LRP1B: variants seen among roughly 807,000 people sequenced by gnomAD.
LRP1B encodes LDL receptor related protein 1B, also known as low-density lipoprotein receptor-related protein 1B.
Under a neutral mutation model 556.6 loss-of-function variants are expected in LRP1B, and 217 were observed. The ratio of observed to expected loss-of-function variants is 0.39; its 90% confidence interval spans 0.35 to 0.44. LRP1B has a LOEUF of 0.44. Among genes scored for constraint, LRP1B ranks in the 20% least tolerant of loss-of-function variants. The pLI is 1.00. For missense variants in LRP1B, 5,053 were observed against 5,620.8 expected (o/e 0.90, Z 3.23); for synonymous variants, 2,047 against 1,865.8 (o/e 1.10, Z -2.50).
At chr2:141,182,073 G>T (rs1681024201) in intron 7 of LRP1B, among the ~76,000 whole-genome samples, 1 of 151,890 alleles carries the variant, frequency 6.6e-6, no homozygotes, top group Non-Finnish European at 1.5e-5. Flanking sequence ...CTTTCTTGGG[G>T]CTCTTAGTAA....
intron 7 of LRP1B, among the ~76,000 whole-genome samples, chr2:141,072,574 CACTT>C (rs770133854): frequency 3.3e-5 from 5 of 151,976 alleles, no homozygotes; most frequent in Non-Finnish European, 7.4e-5. Context: ...CTCACTCTTC[CACTT>C]GACTGTCTGT....
chr2:141,062,418 A>G, intron 7 of LRP1B, 145 bp from the exon 8 acceptor site: 1 of 600,626 alleles, frequency 1.7e-6, no homozygotes. Context: ...TCCTTATAAT[A>G]TCACTCATAA....
chr2:140,896,032 C>T (rs964033658), intron 23 of LRP1B, among the ~76,000 whole-genome samples: 2 of 152,072 alleles, frequency 1.3e-5, no homozygotes, highest in Non-Finnish European at 2.9e-5. Flanking sequence ...GCCACGGGTC[C>T]AAGCTTGAGG....
At chr2:141,409,288 C>T (rs1283255563) in intron 3 of LRP1B, among the ~76,000 whole-genome samples, 1 of 152,084 alleles carries the variant, frequency 6.6e-6, no homozygotes, top group Non-Finnish European at 1.5e-5. Flanking sequence ...TTCATACAAG[C>T]TTATTTGGGT....
At chr2:141,806,210 CAAG>C (rs1447804267) in intron 2 of LRP1B, among the ~76,000 whole-genome samples, 1 of 152,058 alleles carries the variant, frequency 6.6e-6, no homozygotes, top group Non-Finnish European at 1.5e-5. Flanking sequence ...AAGTGCCTTT[CAAG>C]AAGACGTTCC....
chr2:141,801,500 T>C (rs973195435), intron 2 of LRP1B, among the ~76,000 whole-genome samples: 1 of 152,134 alleles, frequency 6.6e-6, no homozygotes, highest in East Asian at 1.9e-4. Flanking sequence ...TAGCCGTTAT[T>C]TGCACTTCCA....
chr2:140,340,370 C>G (rs1006348435), intron 77 of LRP1B, among the ~76,000 whole-genome samples: 1 of 151,382 alleles, frequency 6.6e-6, no homozygotes, highest in African/African-American at 2.4e-5. Context: ...GAAATATTAT[C>G]CATTCTGGGT....
At chr2:141,791,347 T>C (rs921648657) in intron 2 of LRP1B, among the ~76,000 whole-genome samples, 1 of 152,008 alleles carries the variant, frequency 6.6e-6, no homozygotes, top group African/African-American at 2.4e-5. Context: ...TCCAACTTTT[T>C]CAGTGCTCTA....
chr2:141,677,520 C>A (rs1164434686), intron 2 of LRP1B, among the ~76,000 whole-genome samples: 1 of 151,804 alleles, frequency 6.6e-6, no homozygotes. Context: ...GATGGAATTT[C>A]GCTCTGTTGC....
At chr2:140,709,569 C>T (rs1002793160) in intron 37 of LRP1B, among the ~76,000 whole-genome samples, 1 of 151,904 alleles carries the variant, frequency 6.6e-6, no homozygotes, top group Non-Finnish European at 1.5e-5. Context: ...TAAACTCATA[C>T]ATGATTCCTA....
intron 2 of LRP1B, among the ~76,000 whole-genome samples, chr2:141,484,759 CTGTT>C (rs1281211866): frequency 2.6e-5 from 4 of 151,946 alleles, no homozygotes; most frequent in Non-Finnish European, 5.9e-5. Flanking sequence ...ATTTGGCTCT[CTGTT>C]TGTCTGTTAT....
intron 3 of LRP1B, among the ~76,000 whole-genome samples, chr2:141,276,605 T>C (rs1273014926): frequency 6.6e-6 from 1 of 151,932 alleles, no homozygotes; most frequent in Non-Finnish European, 1.5e-5. Flanking sequence ...GCTCCATCCA[T>C]GTTGATGCAA....
intron 2 of LRP1B, among the ~76,000 whole-genome samples, chr2:141,559,878 T>C (rs955458506): frequency 2.6e-5 from 4 of 151,688 alleles, no homozygotes; most frequent in African/African-American, 9.7e-5. Context: ...TAGGATATTG[T>C]AAAATTTGTA....
At chr2:140,357,370 G>A (rs1024187904) in intron 74 of LRP1B, among the ~76,000 whole-genome samples, 6 of 151,092 alleles carry the variant, frequency 4.0e-5, no homozygotes, top group African/African-American at 1.2e-4. Flanking sequence ...AGTTTTAGAT[G>A]CATAAATTAA....
rs950748411 is a variant in LRP1B, at chr2:140,487,287, T to C, written c.9243+330A>G. ...CAAAGTTTTAGACTCAACTTTCTCT[T>C]TTATTTAAATCAACAGAATTGAATT... On this transcript the variant is annotated intron_variant, in intron 58 of 90. Coordinates refer to ENST00000389484, the MANE Select transcript of LRP1B (RefSeq NM_018557.3). 3.3e-5 allele frequency among the ~76,000 whole-genome samples: 5 copies of C among 151,928 alleles called. No individual in the cohort carries two copies. The East Asian group carries it at 9.6e-4, about 29-fold the overall frequency.
At chr2:140,451,297 C>A (rs535269592) in intron 62 of LRP1B, among the ~76,000 whole-genome samples, 25 of 152,214 alleles carry the variant, frequency 1.6e-4, no homozygotes, top group Middle Eastern at 6.8e-3. Context: ...GCTACAGAGA[C>A]CCTGTGGCCT....
At chr2:141,399,444 T>A (rs1559049408) in intron 3 of LRP1B, among the ~76,000 whole-genome samples, 2 of 151,834 alleles carry the variant, frequency 1.3e-5, no homozygotes, top group Non-Finnish European at 2.9e-5. Flanking sequence ...AAGTCACTGT[T>A]TCCTCCCTTT....
At chr2:140,529,860 G>C (rs1025878396) in intron 47 of LRP1B, among the ~76,000 whole-genome samples, 3 of 151,852 alleles carry the variant, frequency 2.0e-5, no homozygotes, top group Admixed American at 1.3e-4. Context: ...ACGAACTTAT[G>C]AACAATGCCT....
intron 2 of LRP1B, among the ~76,000 whole-genome samples, chr2:141,721,904 A>T (rs1174352014): frequency 6.6e-6 from 1 of 152,168 alleles, no homozygotes; most frequent in African/African-American, 2.4e-5. Context: ...TTATTCCCTG[A>T]TCCAGCAGAC....
Sources: allele counts gnomAD v4.1 joint callset (sites outside exome capture counted in the v4.1 genomes callset), GRCh38; gene constraint gnomAD v4.1.1; transcripts MANE v1.5; gene names NCBI Gene and HGNC (gene_info 2026-07-23, HGNC 2026-07-21).